KDM4A: variants seen among roughly 807,000 people sequenced by gnomAD.
KDM4A encodes lysine demethylase 4A, also known as lysine-specific demethylase 4A.
Under a neutral mutation model 127.1 loss-of-function variants are expected in KDM4A, and 23 were observed. The observed-to-expected ratio is 0.18, with a 90% CI of 0.13 to 0.26. The LOEUF is 0.26. Among genes scored for constraint, KDM4A ranks in the 10% least tolerant of loss-of-function variants. The pLI, the probability that KDM4A is intolerant of heterozygous loss-of-function variation, is 1.00. For missense variants in KDM4A, 890 were observed against 1,329.1 expected (o/e 0.67, Z 5.14); for synonymous variants, 443 against 466.5 (o/e 0.95, Z 0.65).
chr1:43,703,847 C>T, intron 20 of KDM4A, 111 bp downstream of exon 20: 1 of 1,448,444 alleles, frequency 6.9e-7, no homozygotes, highest in Non-Finnish European at 9.5e-7. Flanking sequence ...GGTTGGTAAC[C>T]CTTTCAGAGC....
At chr1:43,696,870 C>T (rs900246757) in intron 18 of KDM4A, among the ~76,000 whole-genome samples, 2 of 152,036 alleles carry the variant, frequency 1.3e-5, no homozygotes, top group African/African-American at 4.8e-5. Flanking sequence ...TTACTATATG[C>T]CAGGCACAGT....
At chr1:43,661,623 A>G (rs935090232) in intron 4 of KDM4A, among the ~76,000 whole-genome samples, 2 of 146,996 alleles carry the variant, frequency 1.4e-5, no homozygotes, top group Non-Finnish European at 3.0e-5. Flanking sequence ...AAAAAAAAAA[A>G]AAAAAAAAAA....
Position 43,654,735 on chromosome 1 carries a change from GTGTGTT to G in KDM4A, c.139-855_139-850del, listed in dbSNP as rs879349371. Among the ~76,000 whole-genome samples, 121 of 70,376 alleles carry G rather than the reference GTGTGTT, an allele frequency of 1.7e-3. 1 individual carries two copies. The highest frequency in any genetic ancestry group is 2.2e-3 in the Non-Finnish European group (59 of 27,376). The allele number at this position is 70,376 out of a possible 152,430, so 46.2% of individuals were successfully genotyped here. A position where few individuals can be genotyped will look rare whatever the true frequency, so the allele number is the denominator to read the frequency against. The stretch of plus-strand genomic sequence containing the variant: ...TGTGTGTGTGTGTGTGTGTGTGTGT[GTGTGTT>G]GTTTTCTCCCTTGTTACATAAAGTA... On this transcript the variant is annotated intron_variant, in intron 2 of 21. Transcript: ENST00000372396.
intron 13 of KDM4A, among the ~76,000 whole-genome samples, chr1:43,689,900 C>A (rs1372943370): frequency 6.6e-6 from 1 of 152,190 alleles, no homozygotes; most frequent in Non-Finnish European, 1.5e-5. Context: ...TTTCCATTGA[C>A]AAAAAGCAAA....
intron 14 of KDM4A, 92 bp downstream of exon 14, chr1:43,691,141 A>G (rs1661100339): frequency 1.5e-6 from 2 of 1,306,872 alleles, no homozygotes; most frequent in Non-Finnish European, 2.2e-6. Context: ...CCCAGCCCCA[A>G]AAAGATTGTT....
chr1:43,678,168 T>A lies in KDM4A; in HGVS notation c.1735-5516T>A, dbSNP rs1660782359. On this transcript the variant is annotated intron_variant, in intron 11 of 21. Transcript: ENST00000372396. ...AGTGTGGGCCAGGAAATGAGTTGAG[T>A]TTGGGTACGTCTAGAGGGGGACTTT... Among the ~76,000 whole-genome samples the A allele has an allele frequency of 2.0e-5, 3 of 150,842 alleles. No homozygotes were observed. In the South Asian group the frequency reaches 6.4e-4, roughly 32 times the overall value.
intron 6 of KDM4A, among the ~76,000 whole-genome samples, chr1:43,666,115 T>C (rs1386869748): frequency 6.6e-6 from 1 of 152,204 alleles, no homozygotes. Context: ...CCTGGGTAGA[T>C]GATACTACAG....
chr1:43,673,334 T>C (rs1450322557), intron 11 of KDM4A, among the ~76,000 whole-genome samples: 1 of 152,188 alleles, frequency 6.6e-6, no homozygotes, highest in Non-Finnish European at 1.5e-5. Context: ...ATCTTCACTA[T>C]GGAAAATTTC....
rs753288755 is a variant in KDM4A at position 43,694,718 on chromosome 1, T to C, written c.2494T>C (p.Phe832Leu). 3.1e-6 allele frequency: 5 copies of C among 1,609,922 alleles called. No individual in the cohort carries two copies. The highest frequency in any genetic ancestry group is 4.2e-6 in the Non-Finnish European group (5 of 1,176,478). Residue 832 changes from phenylalanine to leucine, a missense_variant, in exon 18 of 22, where the codon TTC (phenylalanine) becomes CTC (leucine). Around this residue, in one of 7 missense-constraint regions of KDM4A, gnomAD observed 246 missense variants for 418.4 expected, o/e 0.59. Coordinates refer to ENST00000372396, the MANE Select transcript of KDM4A (RefSeq NM_014663.3). The surrounding 1 kb of genome is among the most constrained non-coding windows in gnomAD (Gnocchi z 5.2). ...PLPRFKLKCI[F>L]CKKRRKRTAG... is the part of the protein sequence containing the mutation. ...TTCCCCTGTGCTACAGAAATGTATC[T>C]TCTGTAAGAAGCGGAGGAAAAGAAC...
intron 4 of KDM4A, among the ~76,000 whole-genome samples, chr1:43,661,608 C>CAAAAA (rs34131801): frequency 2.7e-4 from 11 of 40,862 alleles, no homozygotes; most frequent in Non-Finnish European, 3.4e-4. Flanking sequence ...GACTCTGTCT[C>CAAAAA]AAAAAAAAAA....
chr1:43,675,791 G>A (rs558667447), intron 11 of KDM4A, among the ~76,000 whole-genome samples: 2 of 152,224 alleles, frequency 1.3e-5, no homozygotes, highest in Admixed American at 1.3e-4. Flanking sequence ...ACACACAAAG[G>A]GCCGGGTGCC....
chr1:43,680,123 G>A (rs1660825532), intron 11 of KDM4A, among the ~76,000 whole-genome samples: 1 of 152,174 alleles, frequency 6.6e-6, no homozygotes, highest in African/African-American at 2.4e-5. Context: ...CATGGTAGCA[G>A]GAGGAGTACT....
Position 43,669,270 on chromosome 1 carries a change from G to A in KDM4A, c.1334G>A (p.Arg445Gln), listed in dbSNP as rs777593264. 9.3e-6 allele frequency: 15 copies of A among 1,614,048 alleles called. No homozygotes were observed. The highest frequency in any genetic ancestry group is 2.2e-5 in the South Asian group (2 of 91,088). The part of the protein sequence containing the change: ...APVRPTHSSV[R>Q]QVEDGLTFPD... Reference sequence around the variant, plus strand: ...GTGAGGCCCACCCATAGCTCTGTGCGGCAAGTTGAGGATGGTCTTACCTTC... The same window carrying A: ...GTGAGGCCCACCCATAGCTCTGTGCAGCAAGTTGAGGATGGTCTTACCTTC... Residue 445 changes from arginine to glutamine, a missense_variant, in exon 10 of 22, where the codon CGG becomes CAG. Physicochemically the swap from Arg to Gln is conservative, Grantham distance 43 (BLOSUM62 1). Coordinates refer to ENST00000372396, the MANE Select transcript of KDM4A (RefSeq NM_014663.3).
intron 11 of KDM4A, among the ~76,000 whole-genome samples, chr1:43,681,984 T>A (rs1438543675): frequency 6.6e-6 from 1 of 152,210 alleles, no homozygotes; most frequent in Non-Finnish European, 1.5e-5. Flanking sequence ...ACTTATTGAT[T>A]GGAGACAAAG....
intron 18 of KDM4A, among the ~76,000 whole-genome samples, chr1:43,695,615 G>C (rs181285776): frequency 6.6e-6 from 1 of 152,348 alleles, no homozygotes; most frequent in East Asian, 1.9e-4. Flanking sequence ...ATGAGAACTT[G>C]TTGAATATTT....
chr1:43,689,327 T>G (rs1320191208), intron 13 of KDM4A, among the ~76,000 whole-genome samples: 2 of 152,220 alleles, frequency 1.3e-5, no homozygotes, highest in Admixed American at 1.3e-4. Flanking sequence ...TAGGCTCCCC[T>G]TTGCACATGC....
In KDM4A at chr1:43,655,584, C is replaced by T. The variant is rs1660219170; in HGVS notation, c.139-7C>T. The T allele has an allele frequency of 6.2e-7, 1 of 1,601,708 alleles. No homozygotes were observed. Among genetic ancestry groups the T allele is most frequent in the Admixed American group, 1.7e-5 (1 of 58,654 alleles). ...ATCTGTCTTTTTGTTTCTTGTGTTC[C>T]CTTCAGGTTGTTCCTCCAAAAGAGT... On this transcript the variant is annotated splice_polypyrimidine_tract_variant and splice_region_variant and intron_variant, in intron 2 of 21. Transcript: ENST00000372396.
At chr1:43,658,071 CTTT>C (rs371218115) in intron 3 of KDM4A, among the ~76,000 whole-genome samples, 4 of 132,596 alleles carry the variant, frequency 3.0e-5, no homozygotes, top group Middle Eastern at 4.2e-3. Flanking sequence ...AAAAACATAA[CTTT>C]TTTTTTTTTT....
chr1:43,655,864 T>A, intron 3 of KDM4A, 98 bp downstream of exon 3: 1 of 997,546 alleles, frequency 1.0e-6, no homozygotes. Context: ...ATGAACAGTG[T>A]CTTCAGCAGG....
Sources: allele counts gnomAD v4.1 joint callset (sites outside exome capture counted in the v4.1 genomes callset), GRCh38; gene constraint gnomAD v4.1.1; regional missense constraint gnomAD v4.1.1; non-coding constraint Gnocchi (gnomAD v3.1); transcripts MANE v1.5; gene names NCBI Gene and HGNC (gene_info 2026-07-23, HGNC 2026-07-21).